MYH14: variants seen among roughly 807,000 people sequenced by gnomAD.
The protein encoded by MYH14 is myosin heavy chain 14, also known as myosin-14.
Under a neutral mutation model 255.5 loss-of-function variants are expected in MYH14, and 123 were observed. That is an observed-to-expected ratio of 0.48 (90% CI 0.42 to 0.56). MYH14 has a LOEUF of 0.56. Ranked by LOEUF, MYH14 falls within the 20% of genes least tolerant of loss-of-function variation. The probability of loss-of-function intolerance (pLI) is 0.00; values close to 1 mark genes in which losing one functional copy is unlikely to be tolerated. For synonymous variants in MYH14, 1,095 were observed against 1,161.2 expected (o/e 0.94, Z 1.16); for missense variants, 2,423 against 2,802.3 (o/e 0.86, Z 3.06).
chr19:50,273,283 TATGTCTCAAAAAAAAAAAAAAAAAAAAA>T (rs2035378890), intron 27 of MYH14, among the ~76,000 whole-genome samples: 1 of 97,490 alleles, frequency 1.0e-5, no homozygotes, highest in Non-Finnish European at 1.9e-5. Flanking sequence ...AGAGCAAGAC[TATGTCTCAAAAAAAAAAAAAAAAAAAAA>T]AAAAAGAGCT....
At chr19:50,277,947 G>A (rs1435097465) in intron 29 of MYH14, 136 bp from the exon 30 acceptor site, 3 of 573,228 alleles carry the variant, frequency 5.2e-6, no homozygotes, top group Non-Finnish European at 8.1e-6. Context: ...GGAGTGAGGG[G>A]TGAGCTATTT....
rs1568501830 is a variant in MYH14 at position 50,252,655 on chromosome 19, ACGAG to A, written c.1848_1851del (p.Glu617GlyfsTer2). ...TTCATTCAGGTCGACTACAAGGCCA[ACGAG>A]TGGCTGATGAAAAACATGGACCCTC... On this transcript the variant is annotated frameshift_variant, in exon 16 of 43. Coordinates refer to ENST00000642316, the MANE Select transcript of MYH14 (RefSeq NM_001145809.2). LOFTEE classifies it high-confidence loss of function. This position sits in a 1 kb window ranked among gnomAD's most constrained non-coding sequence, Gnocchi z 4.2. 1 of 1,594,260 alleles carries A rather than the reference ACGAG, an allele frequency of 6.3e-7. No individual in the cohort carries two copies. The highest frequency in any genetic ancestry group is 8.5e-7 in the Non-Finnish European group (1 of 1,170,706).
chr19:50,258,746 G>GAACA (rs1354927283), intron 18 of MYH14: 4 of 74,174 alleles, frequency 5.4e-5, no homozygotes, highest in Admixed American at 4.8e-4. Context: ...AAAAAAAAAC[G>GAACA]AACAAACAAA....
At position 50,271,852 on chromosome 19, in the gene MYH14, C is replaced by T. The variant is rs1221236370; in HGVS notation, c.3175C>T (p.Arg1059Trp). Residue 1059 changes from arginine (R) to tryptophan (W), a missense_variant, in exon 26 of 43, where the codon CGG (arginine) becomes TGG (tryptophan). Coordinates refer to ENST00000642316, the MANE Select transcript of MYH14 (RefSeq NM_001145809.2). ...EDQNSKLSKE[R>W]KLLEDRLAEF... ...CCCATCCCACTCCACCCCTCAGGAGCGGAAGCTGCTGGAAGATCGTCTGGC... is the reference window on the plus strand; with the variant it reads ...CCCATCCCACTCCACCCCTCAGGAGTGGAAGCTGCTGGAAGATCGTCTGGC... The T allele has an allele frequency of 6.2e-6, 10 of 1,613,064 alleles. No homozygotes were observed. Among genetic ancestry groups the T allele is most frequent in the Admixed American group, 1.7e-5 (1 of 59,976 alleles).
chr19:50,224,531 C>T lies in MYH14; in HGVS notation c.717+354C>T, dbSNP rs190304895. Among the ~76,000 whole-genome samples the T allele has an allele frequency of 2.4e-3, 369 of 152,322 alleles. 4 individuals are homozygous for T. The highest frequency in any genetic ancestry group is 8.4e-3 in the African/African-American group (351 of 41,570). ...TGTGTGCCAAGTCATGTGCCCTTCA[C>T]TTTGTGTATCTTTTCATTTGACAAA... On this transcript the variant is annotated intron_variant, in intron 6 of 42. Coordinates refer to ENST00000642316, the MANE Select transcript of MYH14 (RefSeq NM_001145809.2).
In MYH14 at chr19:50,286,605, G is replaced by A. The variant is rs2035897922; in HGVS notation, c.4663G>A (p.Glu1555Lys). ...GACACGGGCACTGGAGGAGGAGCAG[G>A]AGGCACGTGAGGAGCTGGAGCGGCA... ...SLTRALEEEQ[E>K]AREELERQNR... Residue 1555 changes from glutamate (E) to lysine (K), a missense_variant, in exon 34 of 43, where the codon GAG (glutamate) becomes AAG (lysine). This residue lies in a region of MYH14 where 1,513 missense variants were observed against 1,674.8 expected (regional missense o/e 0.90). Transcript: ENST00000642316. 6.2e-7 allele frequency: 1 copy of A among 1,603,692 alleles called. No individual in the cohort carries two copies. Among genetic ancestry groups the A allele is most frequent in the Admixed American group, 1.7e-5 (1 of 57,960 alleles).
In MYH14 at chr19:50,281,682, A is replaced by G; in HGVS notation, c.4379A>G (p.Glu1460Gly). 1 of 1,611,372 alleles carries G rather than the reference A, an allele frequency of 6.2e-7. No homozygotes were observed. Among genetic ancestry groups the G allele is most frequent in the South Asian group, 1.1e-5 (1 of 90,930 alleles). The change falls in exon 33 of 43, where the codon GAG becomes GGG. Residue 1460 changes from glutamate to glycine, a missense_variant. Transcript: ENST00000642316. ...CGGCGCCGGGCAGCCCGGGAGGCCG[A>G]GGCCCTGACCCAGCGCCTGGCAGAA... ...EARRRAAREA[E>G]ALTQRLAEKT...
At position 50,268,263 on chromosome 19, in the gene MYH14, G is replaced by C. The variant is rs758910308; in HGVS notation, c.2929G>C (p.Glu977Gln). 24 of 1,576,550 alleles carry C rather than the reference G, an allele frequency of 1.5e-5. No homozygotes were observed. The highest frequency in any genetic ancestry group is 2.1e-5 in the Non-Finnish European group (24 of 1,161,886). Residue 977 changes from glutamate (E) to glutamine (Q), a missense_variant, in exon 24 of 43, where the codon GAG becomes CAG. Around this residue, in one of 3 missense-constraint regions of MYH14, gnomAD observed 1,513 missense variants for 1,674.8 expected, o/e 0.90. Coordinates refer to ENST00000642316, the MANE Select transcript of MYH14 (RefSeq NM_001145809.2). ...TRGRLAARKQ[E>Q]LELVVSELEA... ...GGGGAGGCTGGCAGCCCGCAAGCAG[G>C]AGCTGGAGCTGGTGGTGTCAGAGCT...
In MYH14 at chr19:50,286,714, C is replaced by T. The variant is rs1164282672; in HGVS notation, c.4752+20C>T. 1.3e-6 allele frequency: 2 copies of T among 1,554,002 alleles called. No homozygotes were observed. Among genetic ancestry groups the T allele is most frequent in the South Asian group, 2.4e-5 (2 of 84,384 alleles). The stretch of plus-strand genomic sequence containing the variant: ...AAGAGCGTGAGCAGGGCCCCCGCTC[C>T]CCGGGACACACTGGGTGAGGGGAGA... On this transcript the variant is annotated intron_variant, in intron 34 of 42. Transcript: ENST00000642316.
intron 40 of MYH14, among the ~76,000 whole-genome samples, chr19:50,302,629 G>A (rs1466175730): frequency 5.5e-5 from 8 of 144,476 alleles, no homozygotes; most frequent in East Asian, 2.1e-4. Context: ...TGCCAGGCAC[G>A]GTGGCTCACG....
In MYH14 at chr19:50,245,243, ACTT is replaced by A. The variant is rs1358169970; in HGVS notation, c.1210+912_1210+914del. 3.9e-5 allele frequency among the ~76,000 whole-genome samples: 6 copies of A among 151,962 alleles called. No homozygotes were observed. The East Asian group carries it at 7.8e-4, about 20-fold the overall frequency. ...AGACCAGCCTGGCCAACATGACAAAACTTCTTCTCTACTAAAAATACAAAAATT... is the reference window on the plus strand; with the variant it reads ...AGACCAGCCTGGCCAACATGACAAAACTTCTCTACTAAAAATACAAAAATT... On this transcript the variant is annotated intron_variant, in intron 11 of 42. Transcript: ENST00000642316.
rs751422907 is a variant in MYH14 at position 50,301,694 on chromosome 19, C to A, written c.5503C>A (p.Arg1835Ser). 1 of 1,613,790 alleles carries A rather than the reference C, an allele frequency of 6.2e-7. No homozygotes were observed. Among genetic ancestry groups the A allele is most frequent in the Non-Finnish European group, 8.5e-7 (1 of 1,179,758 alleles). Residue 1835 changes from arginine to serine, a missense_variant, in exon 40 of 43, where the codon CGC (arginine) becomes AGC (serine). Arg to Ser is a moderately radical substitution (Grantham distance 110). Around this residue, in one of 3 missense-constraint regions of MYH14, gnomAD observed 1,513 missense variants for 1,674.8 expected, o/e 0.90. Transcript: ENST00000642316. ...ESLTTELSAE[R>S]SFSAKAESGR... ...ACTGACCACAGAGCTGTCAGCTGAG[C>A]GCAGTTTCTCAGCCAAGGCAGAGAG...
rs1172065083 is a variant in MYH14, at chr19:50,276,214, G to A, written c.3680+11G>A. On this transcript the variant is annotated intron_variant, in intron 28 of 42. Transcript: ENST00000642316. The surrounding 1 kb of genome is among the most constrained non-coding windows in gnomAD (Gnocchi z 4.3). ...ACAGCAGGAGCTCCGGTGAGGCCCGGTGGCAGGCCGCTGTCACAGCCTGTG... is the reference window on the plus strand; with the variant it reads ...ACAGCAGGAGCTCCGGTGAGGCCCGATGGCAGGCCGCTGTCACAGCCTGTG... 1 of 1,523,160 alleles carries A rather than the reference G, an allele frequency of 6.6e-7. No individual in the cohort carries two copies. Among genetic ancestry groups the A allele is most frequent in the Non-Finnish European group, 8.8e-7 (1 of 1,132,816 alleles). The allele number at this position is 1,523,160 out of a possible 1,614,324, so 94.4% of individuals were successfully genotyped here.
chr19:50,301,886 G>A lies in MYH14; in HGVS notation c.5678+17G>A, dbSNP rs764075185. On this transcript the variant is annotated intron_variant, in intron 40 of 42. Transcript: ENST00000642316. ...AGAGACCAGGTAGGTGAGAGCGGAGGCCACAGGAGAAAGGTGACCTCCACA... is the reference window on the plus strand; with the variant it reads ...AGAGACCAGGTAGGTGAGAGCGGAGACCACAGGAGAAAGGTGACCTCCACA... The A allele has an allele frequency of 5.7e-6, 9 of 1,590,998 alleles. No homozygotes were observed. The highest frequency in any genetic ancestry group is 1.3e-5 in the African/African-American group (1 of 74,664).
At chr19:50,261,024 C>G (rs2034831748) in intron 20 of MYH14, among the ~76,000 whole-genome samples, 1 of 113,102 alleles carries the variant, frequency 8.8e-6, no homozygotes, top group Non-Finnish European at 1.9e-5. Flanking sequence ...TCCCCTATCA[C>G]CCCCCTCCCC....
chr19:50,241,049 G>T (rs1036163967), intron 10 of MYH14, among the ~76,000 whole-genome samples: 1 of 152,142 alleles, frequency 6.6e-6, no homozygotes, highest in East Asian at 1.9e-4. Flanking sequence ...ATAAATCAAG[G>T]TCCATTTCAG....
rs756871384 is a variant in MYH14 at position 50,232,058 on chromosome 19, G to A, written c.1102G>A (p.Glu368Lys). Residue 368 changes from glutamate (E) to lysine (K), a missense_variant, in exon 10 of 43, where the codon GAG (glutamate) becomes AAG (lysine). Glu to Lys is a moderately conservative substitution (Grantham distance 56). This residue lies in a region of MYH14 where 672 missense variants were observed against 881.8 expected (regional missense o/e 0.76). Transcript: ENST00000642316. ...ESLRVLGFSH[E>K]EIISMLRMVS... Reference sequence around the variant, plus strand: ...GCTGCGGGTCCTGGGATTCAGCCACGAGGAAATCATCTGTGAGTGAGCCCC... The same window carrying A: ...GCTGCGGGTCCTGGGATTCAGCCACAAGGAAATCATCTGTGAGTGAGCCCC... 40 of 1,611,968 alleles carry A rather than the reference G, an allele frequency of 2.5e-5. 1 individual carries two copies. Among genetic ancestry groups the A allele is most frequent in the Middle Eastern group, 1.6e-4 (1 of 6,084 alleles).
Position 50,207,271 on chromosome 19 carries a change from CAGAGAGAGAGAGAG to C in MYH14, c.-3-3062_-3-3049del, listed in dbSNP as rs764396652. On this transcript the variant is annotated intron_variant, in intron 1 of 42. Coordinates refer to ENST00000642316, the MANE Select transcript of MYH14 (RefSeq NM_001145809.2). The stretch of plus-strand genomic sequence containing the variant: ...AGAGAGAGAGAAAGAGAGAGAGAGA[CAGAGAGAGAGAGAG>C]AGAGAGAGAGAGAGAGAGAGAGAGA... 2.4e-3 allele frequency among the ~76,000 whole-genome samples: 185 copies of C among 76,834 alleles called. 2 individuals carry two copies. Among genetic ancestry groups the C allele is most frequent in the African/African-American group, 8.3e-3 (163 of 19,712 alleles). 50.4% of individuals were successfully genotyped at this position (76,834 alleles called of 152,430 possible). A position where few individuals can be genotyped will look rare whatever the true frequency, so the allele number is the denominator to read the frequency against.
intron 1 of MYH14, among the ~76,000 whole-genome samples, chr19:50,206,558 A>C (rs1177086370): frequency 6.6e-6 from 1 of 152,040 alleles, no homozygotes; most frequent in East Asian, 1.9e-4. Context: ...TCAGAGTGCA[A>C]GGGTCCAGCG....
Sources: gnomAD v4.1 joint callset for allele counts (sites outside exome capture counted in the v4.1 genomes callset) on GRCh38, gnomAD v4.1.1 for gene constraint, gnomAD v4.1.1 regional missense constraint, Gnocchi (gnomAD v3.1) non-coding constraint, MANE v1.5 for transcripts, NCBI Gene and HGNC (gene_info 2026-07-23, HGNC 2026-07-21) for gene names.